Variants in TTC21A observed in about 807,000 individuals in gnomAD.
TTC21A encodes tetratricopeptide repeat protein 21A.
A neutral mutation model predicts 156.4 loss-of-function variants in TTC21A; 128 were observed. The observed-to-expected ratio is 0.82, with a 90% confidence interval of 0.71 to 0.95. The LOEUF (loss-of-function observed/expected upper bound fraction) is 0.95. TTC21A is among the 40% of genes least tolerant of loss of function. The pLI, the probability that TTC21A is intolerant of heterozygous loss-of-function variation, is 0.00. For synonymous variants in TTC21A, 587 were observed against 617.1 expected (o/e 0.95, Z 0.72); for missense variants, 1,435 against 1,602.3 (o/e 0.90, Z 1.78).
chr3:39,115,714 T>A (rs1276099740), intron 6 of TTC21A, among the ~76,000 whole-genome samples: 1 of 152,184 alleles, frequency 6.6e-6, no homozygotes, highest in African/African-American at 2.4e-5. Context: ...TCTAACACTT[T>A]ATTTTTATCG....
chr3:39,137,949 G>A (rs890196911), intron 26 of TTC21A, among the ~76,000 whole-genome samples: 1 of 152,186 alleles, frequency 6.6e-6, no homozygotes, highest in Admixed American at 6.5e-5. Flanking sequence ...AACACTAAAG[G>A]ACAGAAAGAG....
At chr3:39,132,993 T>C in intron 19 of TTC21A, 59 bp from the exon 20 acceptor site, 2 of 1,576,298 alleles carry the variant, frequency 1.3e-6, no homozygotes, top group Non-Finnish European at 1.7e-6. Context: ...CTTAGGACTT[T>C]CTGTGAACTG....
intron 20 of TTC21A, among the ~76,000 whole-genome samples, chr3:39,133,856 A>G (rs946425601): frequency 6.6e-6 from 1 of 152,252 alleles, no homozygotes; most frequent in African/African-American, 2.4e-5. Flanking sequence ...ACGAGAGCAC[A>G]GGCAGCGCTA....
intron 5 of TTC21A, among the ~76,000 whole-genome samples, chr3:39,114,325 G>A (rs1303894372): frequency 6.6e-6 from 1 of 152,196 alleles, no homozygotes; most frequent in Non-Finnish European, 1.5e-5. Context: ...GGCCTGCTAA[G>A]TTTTCCAAGC....
At chr3:39,125,747 G>T (rs1016709067) in intron 11 of TTC21A, among the ~76,000 whole-genome samples, 1 of 152,322 alleles carries the variant, frequency 6.6e-6, no homozygotes, top group East Asian at 1.9e-4. Context: ...CTCTACAGGG[G>T]GGTCTAAAAC....
In TTC21A at chr3:39,121,051, T is replaced by A; in HGVS notation, c.955T>A (p.Phe319Ile). Reference protein sequence around the residue: ...GLVCSFIERTFMATPSYVHVA... With the variant: ...GLVCSFIERTIMATPSYVHVA... The stretch of plus-strand genomic sequence containing the variant: ...AGTGTGTAGTTTCATCGAGCGCACC[T>A]TCATGGCCACCCCCTCGTATGTCCA... Residue 319 changes from phenylalanine to isoleucine, a missense_variant, in exon 9 of 29, where the codon TTC becomes ATC. Coordinates refer to ENST00000683103, the MANE Select transcript of TTC21A (RefSeq NM_001366900.1). 2 of 1,613,986 alleles carry A rather than the reference T, an allele frequency of 1.2e-6. No individual in the cohort carries two copies. The highest frequency in any genetic ancestry group is 8.5e-7 in the Non-Finnish European group (1 of 1,179,900).
At chr3:39,132,458 A>G (rs1575553219) in intron 19 of TTC21A, among the ~76,000 whole-genome samples, 1 of 152,268 alleles carries the variant, frequency 6.6e-6, no homozygotes, top group African/African-American at 2.4e-5. Context: ...CTGTGCTTCT[A>G]GAGGGAGGGC....
chr3:39,122,920 T>C (rs2037889862), intron 9 of TTC21A, among the ~76,000 whole-genome samples: 1 of 152,192 alleles, frequency 6.6e-6, no homozygotes, highest in African/African-American at 2.4e-5. Flanking sequence ...TCACCATATT[T>C]TCTGCCCAGT....
At position 39,130,250 on chromosome 3, in the gene TTC21A, C is replaced by G. The variant is rs375019709; in HGVS notation, c.2211C>G (p.Pro737=). ...LGDALMSILE[P]EKALEVYDEA... ...CCCAAAGACACTTTCCCCACCAGCC[C>G]GAGAAGGCCCTGGAGGTCTATGATG... Residue 737 remains proline (P), a splice_region_variant and synonymous_variant, in exon 17 of 29, where the codon CCC becomes CCG. Transcript: ENST00000683103. This position sits in a 1 kb window ranked among gnomAD's most constrained non-coding sequence, Gnocchi z 4.5. 1.2e-6 allele frequency: 2 copies of G among 1,613,142 alleles called. No individual in the cohort carries two copies. Among genetic ancestry groups the G allele is most frequent in the South Asian group, 1.1e-5 (1 of 90,888 alleles).
Position 39,130,973 on chromosome 3 carries a change from T to A in TTC21A, c.2459-19T>A, listed in dbSNP as rs763036305. ...CAGGAGCCAGTGAACTAACACTAATTTGAGTTTCCATTTAACAGTCCAAGA... is the reference window on the plus strand; with the variant it reads ...CAGGAGCCAGTGAACTAACACTAATATGAGTTTCCATTTAACAGTCCAAGA... On this transcript the variant is annotated intron_variant, in intron 18 of 28. Transcript: ENST00000683103. This position sits in a 1 kb window ranked among gnomAD's most constrained non-coding sequence, Gnocchi z 4.5. 3 of 1,611,640 alleles carry A rather than the reference T, an allele frequency of 1.9e-6. No homozygotes were observed. Among genetic ancestry groups the A allele is most frequent in the East Asian group, 2.2e-5 (1 of 44,864 alleles).
At chr3:39,133,908 C>G (rs1054020800) in intron 20 of TTC21A, among the ~76,000 whole-genome samples, 6 of 152,174 alleles carry the variant, frequency 3.9e-5, no homozygotes, top group African/African-American at 1.4e-4. Context: ...CAGGGCACCA[C>G]TTGGAGGAAT....
intron 19 of TTC21A, among the ~76,000 whole-genome samples, chr3:39,131,854 C>T (rs1024607818): frequency 1.8e-4 from 28 of 152,164 alleles, no homozygotes; most frequent in Admixed American, 6.5e-5. Context: ...GCAGATCCCT[C>T]ATGATCCAAT....
chr3:39,134,616 G>A lies in TTC21A; in HGVS notation c.2862+288G>A, dbSNP rs1460045584. On this transcript the variant is annotated intron_variant, in intron 21 of 28. Transcript: ENST00000683103. The surrounding 1 kb of genome is among the most constrained non-coding windows in gnomAD (Gnocchi z 4.6). Reference sequence around the variant, plus strand: ...ATTCACTGTAGGTGAAGGCAAGGGCGGGACAGGTTCCTGGGGCTTCAGGAA... The same window carrying A: ...ATTCACTGTAGGTGAAGGCAAGGGCAGGACAGGTTCCTGGGGCTTCAGGAA... 1.5e-5 allele frequency: 8 copies of A among 527,216 alleles called. No homozygotes were observed. In the African/African-American group the frequency reaches 1.5e-4, roughly 10 times the overall value. The allele number at this position is 527,216 out of a possible 1,614,324, so 32.7% of individuals were successfully genotyped here. A position where few individuals can be genotyped will look rare whatever the true frequency, so the allele number is the denominator to read the frequency against.
In TTC21A at chr3:39,130,051, A is replaced by G. The variant is rs752385740; in HGVS notation, c.2136-28A>G. 1 of 1,612,938 alleles carries G rather than the reference A, an allele frequency of 6.2e-7. No homozygotes were observed. Among genetic ancestry groups the G allele is most frequent in the South Asian group, 1.1e-5 (1 of 90,740 alleles). On this transcript the variant is annotated intron_variant, in intron 15 of 28. Transcript: ENST00000683103. The surrounding 1 kb of genome is among the most constrained non-coding windows in gnomAD (Gnocchi z 4.5). ...AACATGAGGTGTGTGCGAACCTGGG[A>G]TAAGCTTTTGGTTACTCTTGCTTGC... is the stretch of plus-strand genomic sequence containing the variant.
In TTC21A at chr3:39,114,696, T is replaced by G; in HGVS notation, c.670T>G (p.Phe224Val). 6.2e-7 allele frequency: 1 copy of G among 1,614,258 alleles called. No homozygotes were observed. The highest frequency in any genetic ancestry group is 8.5e-7 in the Non-Finnish European group (1 of 1,180,046). ...LPALVLKMQL[F>V]LARQDWEQTV... ...AGCCCTCGTCCTGAAGATGCAGCTG[T>G]TCTTAGCTCGGCAGGACTGGGAGCA... The change falls in exon 6 of 29, where the codon TTC becomes GTC. Residue 224 changes from phenylalanine to valine, a missense_variant. Phe to Val is a conservative substitution (Grantham distance 50). Transcript: ENST00000683103.
intron 6 of TTC21A, 77 bp from the exon 7 acceptor site, chr3:39,117,992 A>G (rs939576565): frequency 2.6e-5 from 26 of 1,015,206 alleles, no homozygotes; most frequent in South Asian, 1.0e-4. Flanking sequence ...TTCAAAGACA[A>G]TCAGAAGTCG....
Position 39,138,610 on chromosome 3 carries a change from A to C in TTC21A, c.3851A>C (p.Glu1284Ala). 1 of 1,614,206 alleles carries C rather than the reference A, an allele frequency of 6.2e-7. No individual in the cohort carries two copies. Among genetic ancestry groups the C allele is most frequent in the Non-Finnish European group, 8.5e-7 (1 of 1,180,034 alleles). ...GACAAGAAATTTGTGGAGGCCATTGAAATCTGCAACGATGTAAGCCAGCAG... is the reference window on the plus strand; with the variant it reads ...GACAAGAAATTTGTGGAGGCCATTGCAATCTGCAACGATGTAAGCCAGCAG... ...LKDKKFVEAI[E>A]ICNDVLREHP... The change falls in exon 28 of 29, where the codon GAA becomes GCA. Residue 1284 changes from glutamate to alanine, a missense_variant. Glu to Ala is a moderately radical substitution (Grantham distance 107). Transcript: ENST00000683103.
chr3:39,112,417 C>A, intron 4 of TTC21A, 41 bp from the exon 5 acceptor site: 1 of 1,607,548 alleles, frequency 6.2e-7, no homozygotes, highest in Non-Finnish European at 8.5e-7. Context: ...TGATTCTGTG[C>A]AGGACCAAGG....
chr3:39,133,131 CA>C lies in TTC21A; in HGVS notation c.2643del (p.Ala882ProfsTer37). 3 of 1,614,260 alleles carry C rather than the reference CA, an allele frequency of 1.9e-6. No homozygotes were observed. The highest frequency in any genetic ancestry group is 2.5e-6 in the Non-Finnish European group (3 of 1,180,048). On this transcript the variant is annotated frameshift_variant, in exon 20 of 29. Coordinates refer to ENST00000683103, the MANE Select transcript of TTC21A (RefSeq NM_001366900.1). LOFTEE classifies it high-confidence loss of function. The part of the protein sequence containing the change: ...PEMIPSQKQL[A>X]ASICIQFAEH... ...ATGATTCCCTCCCAGAAGCAACTGG[CA>C]GCCTCTATCTGCATCCAATTTGCAG... is the stretch of plus-strand genomic sequence containing the variant.
Sources: allele counts gnomAD v4.1 joint callset (sites outside exome capture counted in the v4.1 genomes callset), GRCh38; gene constraint gnomAD v4.1.1; non-coding constraint Gnocchi (gnomAD v3.1); transcripts MANE v1.5; gene names NCBI Gene and HGNC (gene_info 2026-07-23, HGNC 2026-07-21).